MAPK10: variants seen among roughly 807,000 people sequenced by gnomAD.
MAPK10 encodes mitogen-activated protein kinase 10, also known as JNK3 alpha protein kinase.
A neutral mutation model predicts 59.3 loss-of-function variants in MAPK10; 25 were observed. The observed-to-expected ratio is 0.42, with a 90% confidence interval of 0.31 to 0.59. MAPK10 has a LOEUF of 0.59. MAPK10 is among the 20% of genes least tolerant of loss of function. The pLI, the probability that MAPK10 is intolerant of heterozygous loss-of-function variation, is 0.15. For missense variants in MAPK10, 351 were observed against 568.9 expected (o/e 0.62, Z 3.90); for synonymous variants, 190 against 200.5 (o/e 0.95, Z 0.44).
intron 1 of MAPK10, among the ~76,000 whole-genome samples, chr4:86,379,892 G>A (rs1317604084): frequency 6.6e-6 from 1 of 152,116 alleles, no homozygotes; most frequent in Non-Finnish European, 1.5e-5. Context: ...GCACCGCTGG[G>A]TTAGGGTATC....
At chr4:86,302,134 T>C (rs1319945565) in intron 2 of MAPK10, among the ~76,000 whole-genome samples, 1 of 152,246 alleles carries the variant, frequency 6.6e-6, no homozygotes, top group East Asian at 1.9e-4. Context: ...TCAGCAAGCC[T>C]TTCTGAAAAA....
At chr4:86,413,255 G>T (rs1745428495) in intron 1 of MAPK10, among the ~76,000 whole-genome samples, 1 of 152,130 alleles carries the variant, frequency 6.6e-6, no homozygotes, top group African/African-American at 2.4e-5. Context: ...AGCAAATATT[G>T]CTGCCTGATC....
chr4:86,570,812 C>T (rs987749821), intron 1 of MAPK10, among the ~76,000 whole-genome samples: 1 of 152,022 alleles, frequency 6.6e-6, no homozygotes, highest in East Asian at 1.9e-4. Flanking sequence ...TAGGAGTTAA[C>T]GAAACAAGGG....
intron 1 of MAPK10, among the ~76,000 whole-genome samples, chr4:86,545,334 T>A (rs963299920): frequency 2.6e-5 from 4 of 152,210 alleles, no homozygotes; most frequent in African/African-American, 9.6e-5. Context: ...TTTCCCCTCA[T>A]CCGTGGCGGG....
chr4:86,019,432 T>C (rs1745185055), intron 13 of MAPK10, among the ~76,000 whole-genome samples: 1 of 152,190 alleles, frequency 6.6e-6, no homozygotes, highest in African/African-American at 2.4e-5. Flanking sequence ...TATAAAGTTA[T>C]AATATTCCAT....
chr4:86,109,672 C>T (rs772572894), intron 4 of MAPK10, among the ~76,000 whole-genome samples: 2 of 152,088 alleles, frequency 1.3e-5, no homozygotes, highest in East Asian at 1.9e-4. Context: ...TCTTTGCTAT[C>T]GTGCATAGCG....
At chr4:86,250,093 GGAT>G (rs1295961726) in intron 2 of MAPK10, among the ~76,000 whole-genome samples, 2 of 152,150 alleles carry the variant, frequency 1.3e-5, no homozygotes, top group Non-Finnish European at 2.9e-5. Context: ...GTCTAAAAGA[GGAT>G]GATGGACTAA....
At position 86,083,029 on chromosome 4, in the gene MAPK10, A is replaced by G. The variant is rs1238786972; in HGVS notation, c.803-15074T>C. Among the ~76,000 whole-genome samples, 3 of 152,160 alleles carry G rather than the reference A, an allele frequency of 2.0e-5. No homozygotes were observed. The East Asian group carries it at 5.8e-4, about 29-fold the overall frequency. On this transcript the variant is annotated intron_variant, in intron 9 of 13. Transcript: ENST00000641462. ...CACATATACTTAAAATACCTACTAA[A>G]AACAATGTGTTAAACCTTTTTAGGC...
At chr4:86,032,293 A>T (rs1397221172) in intron 11 of MAPK10, 1 of 152,040 alleles carries the variant, frequency 6.6e-6, no homozygotes, top group African/African-American at 2.4e-5. Context: ...GCTTTGGGAG[A>T]TCTACCATGG....
At chr4:86,287,105 G>A (rs886795431) in intron 2 of MAPK10, among the ~76,000 whole-genome samples, 4 of 152,048 alleles carry the variant, frequency 2.6e-5, no homozygotes, top group African/African-American at 9.7e-5. Flanking sequence ...GGAAAAAGGA[G>A]GAACATTTAC....
At chr4:86,489,495 A>T (rs1754291844) in intron 1 of MAPK10, among the ~76,000 whole-genome samples, 1 of 152,184 alleles carries the variant, frequency 6.6e-6, no homozygotes, top group African/African-American at 2.4e-5. Flanking sequence ...ATGTAATTGA[A>T]GTGTAATAAA....
chr4:86,052,976 G>A (rs1046032778), intron 11 of MAPK10, among the ~76,000 whole-genome samples: 3 of 151,968 alleles, frequency 2.0e-5, no homozygotes, highest in Admixed American at 6.6e-5. Context: ...CTGAGCCACT[G>A]TGCCTGGAGG....
At chr4:86,290,421 A>G (rs1467242144) in intron 2 of MAPK10, among the ~76,000 whole-genome samples, 1 of 152,232 alleles carries the variant, frequency 6.6e-6, no homozygotes, top group African/African-American at 2.4e-5. Context: ...TCTTTACTCA[A>G]AATTACCTAC....
intron 1 of MAPK10, among the ~76,000 whole-genome samples, chr4:86,517,717 G>C (rs1756799312): frequency 1.3e-5 from 2 of 151,994 alleles, no homozygotes; most frequent in South Asian, 4.1e-4. Context: ...GGTAATACTG[G>C]GTTCATAGAA....
intron 1 of MAPK10, among the ~76,000 whole-genome samples, chr4:86,573,282 C>A (rs531696243): frequency 1.3e-5 from 2 of 152,280 alleles, no homozygotes; most frequent in East Asian, 3.9e-4. Flanking sequence ...TGTACAATTT[C>A]AAGTTAATTT....
intron 2 of MAPK10, among the ~76,000 whole-genome samples, chr4:86,237,791 G>T (rs2092383726): frequency 6.6e-6 from 1 of 151,922 alleles, no homozygotes; most frequent in African/African-American, 2.4e-5. Context: ...CCCATTCTGT[G>T]GTTGCCTGTT....
At chr4:86,040,658 T>C (rs1368764112) in intron 11 of MAPK10, among the ~76,000 whole-genome samples, 2 of 151,982 alleles carry the variant, frequency 1.3e-5, no homozygotes, top group African/African-American at 4.8e-5. Flanking sequence ...CAAACAAGAT[T>C]ACACCAAGAT....
intron 2 of MAPK10, among the ~76,000 whole-genome samples, chr4:86,345,609 T>C (rs1055656252): frequency 6.6e-5 from 10 of 152,192 alleles, no homozygotes; most frequent in Non-Finnish European, 1.5e-4. Flanking sequence ...ATTCATGACA[T>C]AGCTGGGATA....
chr4:86,462,536 G>A (rs1322162053), intron 1 of MAPK10, among the ~76,000 whole-genome samples: 1 of 152,148 alleles, frequency 6.6e-6, no homozygotes, highest in Non-Finnish European at 1.5e-5. Flanking sequence ...AGATACAGAA[G>A]CAGACATTTC....
Sources: allele counts gnomAD v4.1 joint callset (sites outside exome capture counted in the v4.1 genomes callset), GRCh38; gene constraint gnomAD v4.1.1; transcripts MANE v1.5; gene names NCBI Gene and HGNC (gene_info 2026-07-23, HGNC 2026-07-21).